The following ZNF804B variants were observed in gnomAD, a reference collection of about 807,000 sequenced individuals.
ZNF804B encodes zinc finger 804B.
In ZNF804B, 80 loss-of-function variants were observed where a neutral mutation model predicts 101.4. The ratio of observed to expected loss-of-function variants is 0.79; its 90% CI spans 0.66 to 0.95. The LOEUF is 0.95. ZNF804B is among the 40% of genes least tolerant of loss of function. ZNF804B has a pLI of 0.00. For missense variants in ZNF804B, 1,673 were observed against 1,561.9 expected, an observed-to-expected ratio of 1.07 and a Z score of -1.20; for synonymous variants, 622 against 558.8, an observed-to-expected ratio of 1.11 and a Z score of -1.59.
intron 1 of ZNF804B, among the ~76,000 whole-genome samples, chr7:88,829,653 A>G (rs1399697067): frequency 6.6e-6 from 1 of 152,122 alleles, no homozygotes; most frequent in Non-Finnish European, 1.5e-5. Context: ...AGAAGTTGGA[A>G]GTGTGTTATG....
chr7:89,092,896 G>A (rs1789916892), intron 1 of ZNF804B, among the ~76,000 whole-genome samples: 1 of 152,092 alleles, frequency 6.6e-6, no homozygotes, highest in Non-Finnish European at 1.5e-5. Flanking sequence ...ACCAAGATCT[G>A]GGTGCTAGAT....
chr7:88,819,597 C>T (rs1790943104), intron 1 of ZNF804B, among the ~76,000 whole-genome samples: 2 of 152,120 alleles, frequency 1.3e-5, no homozygotes, highest in Non-Finnish European at 2.9e-5. Context: ...TGCTTACTGA[C>T]TTGTCCTAGG....
intron 2 of ZNF804B, among the ~76,000 whole-genome samples, chr7:89,273,180 C>T (rs893909217): frequency 5.9e-5 from 9 of 152,046 alleles, no homozygotes; most frequent in Non-Finnish European, 1.2e-4. Flanking sequence ...TTTACTAAAA[C>T]CAGATTCTGA....
chr7:89,269,368 C>A (rs57694246), intron 2 of ZNF804B, among the ~76,000 whole-genome samples: 24,649 of 152,092 alleles, frequency 0.16, 2,467 homozygotes, highest in Middle Eastern at 0.29. Flanking sequence ...CCAGCTTCAT[C>A]CATGTCCCTA....
chr7:88,761,895 G>T (rs970776694), intron 1 of ZNF804B, among the ~76,000 whole-genome samples: 1 of 152,028 alleles, frequency 6.6e-6, no homozygotes, highest in African/African-American at 2.4e-5. Flanking sequence ...CTCCCACTTT[G>T]GTCAGTCATC....
intron 2 of ZNF804B, among the ~76,000 whole-genome samples, chr7:89,275,010 G>T (rs1393052846): frequency 6.6e-6 from 1 of 151,910 alleles, no homozygotes; most frequent in Non-Finnish European, 1.5e-5. Context: ...GCTCTGAAAT[G>T]AATTTGTCTC....
At chr7:88,801,858 T>C (rs1175068745) in intron 1 of ZNF804B, among the ~76,000 whole-genome samples, 1 of 152,140 alleles carries the variant, frequency 6.6e-6, no homozygotes, top group Non-Finnish European at 1.5e-5. Context: ...GGAAAAATAG[T>C]TATTCACTGA....
intron 2 of ZNF804B, among the ~76,000 whole-genome samples, chr7:89,292,155 T>G (rs1011869014): frequency 5.5e-5 from 5 of 90,174 alleles, no homozygotes; most frequent in Non-Finnish European, 1.1e-4. Flanking sequence ...ATAAAGGAAC[T>G]TTTTCAAACT....
intron 1 of ZNF804B, among the ~76,000 whole-genome samples, chr7:89,199,119 T>C (rs971698946): frequency 2.0e-5 from 3 of 151,898 alleles, no homozygotes; most frequent in Admixed American, 6.6e-5. Flanking sequence ...TTGTTATCCA[T>C]ATAGTGTATC....
chr7:89,057,717 G>A (rs887117713), intron 1 of ZNF804B, among the ~76,000 whole-genome samples: 1 of 151,990 alleles, frequency 6.6e-6, no homozygotes, highest in Non-Finnish European at 1.5e-5. Flanking sequence ...AAGGAAGCAG[G>A]CCACTGTGGA....
At position 89,284,643 on chromosome 7, in the gene ZNF804B, G is replaced by T. The variant is rs191390069; in HGVS notation, c.250-42701G>T. Among the ~76,000 whole-genome samples the T allele has an allele frequency of 2.0e-4, 31 of 152,276 alleles. No individual in the cohort carries two copies. The East Asian group carries it at 4.3e-3, about 21-fold the overall frequency. On this transcript the variant is annotated intron_variant, in intron 2 of 3. Transcript: ENST00000333190. The stretch of plus-strand genomic sequence containing the variant: ...CTACCATTTTTATCTCCTCTGGAAA[G>T]TGCAACTTTTATGTGGGGGCAGGAT...
chr7:88,865,269 C>T (rs911742571), intron 1 of ZNF804B, among the ~76,000 whole-genome samples: 15 of 148,820 alleles, frequency 1.0e-4, no homozygotes, highest in African/African-American at 3.2e-4. Context: ...CGGTGGCTTA[C>T]ACCCATTATC....
intron 1 of ZNF804B, among the ~76,000 whole-genome samples, chr7:89,120,672 A>AAAAAAG (rs1272829446): frequency 6.6e-6 from 1 of 151,762 alleles, no homozygotes; most frequent in Non-Finnish European, 1.5e-5. Context: ...AAAAAAAAAA[A>AAAAAAG]AATTAAAAAT....
At chr7:88,919,431 G>T in intron 1 of ZNF804B, among the ~76,000 whole-genome samples, 1 of 152,072 alleles carries the variant, frequency 6.6e-6, no homozygotes, top group East Asian at 1.9e-4. Flanking sequence ...CGATGATAAA[G>T]GAGCCTATAC....
At chr7:89,265,441 T>C (rs914562964) in intron 2 of ZNF804B, among the ~76,000 whole-genome samples, 1 of 152,192 alleles carries the variant, frequency 6.6e-6, no homozygotes, top group African/African-American at 2.4e-5. Flanking sequence ...GGGATACTAA[T>C]AGAACTCCAT....
chr7:89,229,654 C>G (rs897523169), intron 2 of ZNF804B, among the ~76,000 whole-genome samples: 16 of 152,182 alleles, frequency 1.1e-4, no homozygotes, highest in African/African-American at 3.9e-4. Flanking sequence ...ACTGACACAT[C>G]TAGCAGGCAT....
chr7:88,775,815 C>T (rs1226737219), intron 1 of ZNF804B, among the ~76,000 whole-genome samples: 2 of 152,096 alleles, frequency 1.3e-5, no homozygotes, highest in African/African-American at 4.8e-5. Context: ...AAGCTTGTCT[C>T]TTTCTATATT....
At chr7:89,031,915 G>T (rs545273971) in intron 1 of ZNF804B, among the ~76,000 whole-genome samples, 1 of 151,836 alleles carries the variant, frequency 6.6e-6, no homozygotes, top group Non-Finnish European at 1.5e-5. Flanking sequence ...ATTGTTTAGC[G>T]TAGCTAGATT....
At chr7:89,136,765 G>A (rs556003121) in intron 1 of ZNF804B, among the ~76,000 whole-genome samples, 47 of 99,130 alleles carry the variant, frequency 4.7e-4, no homozygotes, top group African/African-American at 1.3e-3. Flanking sequence ...GTGTGTGTGT[G>A]CGCGCACGTG....
Sources: allele counts gnomAD v4.1 joint callset (sites outside exome capture counted in the v4.1 genomes callset), GRCh38; gene constraint gnomAD v4.1.1; transcripts MANE v1.5; gene names NCBI Gene and HGNC (gene_info 2026-07-23, HGNC 2026-07-21).